The following UBAP2 variants were observed in gnomAD, a reference collection of about 807,000 sequenced individuals.
UBAP2 encodes the protein ubiquitin associated protein 2.
A neutral mutation model predicts 139.6 loss-of-function variants in UBAP2; 75 were observed. The observed-to-expected ratio is 0.54, with a 90% CI of 0.45 to 0.65. UBAP2 has a LOEUF of 0.65. Among genes scored for constraint, UBAP2 ranks in the 30% least tolerant of loss-of-function variants. The pLI, the probability that UBAP2 is intolerant of heterozygous loss-of-function variation, is 0.00. For missense variants in UBAP2, 1,368 were observed against 1,369.6 expected (o/e 1.00, Z 0.02); for synonymous variants, 526 against 526.2 (o/e 1.00, Z 0.01).
chr9:33,923,455 T>A lies in UBAP2; in HGVS notation c.2820A>T (p.Gln940His), dbSNP rs766400127. 1.2e-6 allele frequency: 2 copies of A among 1,614,016 alleles called. No homozygotes were observed. Among genetic ancestry groups the A allele is most frequent in the African/African-American group, 2.7e-5 (2 of 74,926 alleles). Residue 940 changes from glutamine to histidine, a missense_variant, in exon 25 of 29, where the codon CAA becomes CAT. Coordinates refer to ENST00000379238, the MANE Select transcript of UBAP2 (RefSeq NM_001370062.2). ...TGGGAGTGCTGAGGTTCACCCCATG[T>A]TGCTTGGCTGAGGCTGGAGGGACCT... ...TMFVPPASAKQHGVNLSTPTP... is the reference protein window; with the variant it reads ...TMFVPPASAKHHGVNLSTPTP...
intron 2 of UBAP2, among the ~76,000 whole-genome samples, chr9:34,014,692 G>A (rs1320789878): frequency 4.0e-5 from 6 of 151,776 alleles, no homozygotes; most frequent in African/African-American, 1.4e-4. Flanking sequence ...CTACTTGGAA[G>A]GCTGAGGCAA....
In UBAP2 at chr9:33,943,609, G is replaced by T; in HGVS notation, c.1546-20C>A. 1 of 1,613,394 alleles carries T rather than the reference G, an allele frequency of 6.2e-7. No homozygotes were observed. Among genetic ancestry groups the T allele is most frequent in the Non-Finnish European group, 8.5e-7 (1 of 1,179,680 alleles). On this transcript the variant is annotated intron_variant, in intron 14 of 28. Transcript: ENST00000379238. ...TGGGATCTGAAAAAGCAAAGCTGTC[G>T]TGTCAGGAACAGAGGTCACAGATTC...
intron 1 of UBAP2, among the ~76,000 whole-genome samples, chr9:34,031,326 TCTACTGAA>T (rs999954511): frequency 7.3e-5 from 11 of 151,110 alleles, no homozygotes; most frequent in African/African-American, 2.7e-4. Flanking sequence ...AAACCCCGTC[TCTACTGAA>T]AATACAAATT....
rs999423739 is a variant in UBAP2, at chr9:34,008,474, T to C, written c.99+8576A>G. ...AAACTCTGTCATCAGCTGGGTGCAG[T>C]AGCTCAGGCCTGTAATCTCAGCACT... is the stretch of plus-strand genomic sequence containing the variant. On this transcript the variant is annotated intron_variant, in intron 2 of 28. Transcript: ENST00000379238. 3.3e-5 allele frequency among the ~76,000 whole-genome samples: 5 copies of C among 152,044 alleles called. No individual in the cohort carries two copies. The South Asian group carries it at 6.2e-4, about 19-fold the overall frequency.
chr9:33,933,400 G>T (rs760761826), intron 18 of UBAP2, 90 bp downstream of exon 18: 14 of 1,424,464 alleles, frequency 9.8e-6, no homozygotes, highest in Non-Finnish European at 1.3e-5. Flanking sequence ...GAGACAACAA[G>T]TGTGCTCTGT....
chr9:33,994,016 G>A (rs997079021), intron 4 of UBAP2, among the ~76,000 whole-genome samples: 12 of 151,032 alleles, frequency 7.9e-5, no homozygotes, highest in South Asian at 2.1e-4. Flanking sequence ...TGCCTCAGCC[G>A]CCTGAGTAGC....
chr9:33,978,896 A>G (rs147719472), intron 6 of UBAP2, among the ~76,000 whole-genome samples: 1,963 of 152,252 alleles, frequency 0.013, 21 homozygotes, highest in South Asian at 0.052. Context: ...CCTTTTTTGC[A>G]TTATTTTTCT....
At chr9:34,023,672 A>G (rs764871886) in intron 1 of UBAP2, among the ~76,000 whole-genome samples, 25 of 152,224 alleles carry the variant, frequency 1.6e-4, no homozygotes, top group Non-Finnish European at 3.7e-4. Context: ...TTGTTTGGAA[A>G]AAGTTTTTCT....
At chr9:33,989,403 G>A (rs1338705171) in intron 4 of UBAP2, among the ~76,000 whole-genome samples, 6 of 151,978 alleles carry the variant, frequency 3.9e-5, no homozygotes, top group African/African-American at 7.3e-5. Context: ...GGGTTTCATC[G>A]TGTTAGCCAT....
At chr9:33,949,841 A>G (rs10971815) in intron 12 of UBAP2, among the ~76,000 whole-genome samples, 20,010 of 152,220 alleles carry the variant, frequency 0.13, 1,575 homozygotes, top group South Asian at 0.33. Flanking sequence ...TACCATAGAC[A>G]CTGCTATTTT....
At position 33,981,064 on chromosome 9, in the gene UBAP2, CATAT is replaced by C. The variant is rs552165278; in HGVS notation, c.520+5692_520+5695del. Among the ~76,000 whole-genome samples, 9 of 5,276 alleles carry C rather than the reference CATAT, an allele frequency of 1.7e-3. 1 individual carries two copies. Among genetic ancestry groups the C allele is most frequent in the African/African-American group, 2.3e-3 (4 of 1,752 alleles). The allele number at this position is 5,276 out of a possible 152,430, so 3.5% of individuals were successfully genotyped here. The stretch of plus-strand genomic sequence containing the variant: ...AAAAATAATATGGGCTTATTTACTT[CATAT>C]ATATATATATATATATATATATATA... On this transcript the variant is annotated intron_variant, in intron 6 of 28. Coordinates refer to ENST00000379238, the MANE Select transcript of UBAP2 (RefSeq NM_001370062.2).
intron 2 of UBAP2, among the ~76,000 whole-genome samples, chr9:34,006,593 C>G (rs1823241310): frequency 6.6e-6 from 1 of 151,922 alleles, no homozygotes; most frequent in African/African-American, 2.4e-5. Context: ...GGAGGATTAT[C>G]TGAGTCCAGG....
intron 1 of UBAP2, among the ~76,000 whole-genome samples, chr9:34,037,972 G>A (rs1419128364): frequency 2.2e-5 from 3 of 136,062 alleles, no homozygotes; most frequent in Admixed American, 1.6e-4. Context: ...ACCAGCCTGT[G>A]CAATATGATG....
At position 34,022,372 on chromosome 9, in the gene UBAP2, T is replaced by C. The variant is rs554612564; in HGVS notation, c.-41-5183A>G. Among the ~76,000 whole-genome samples the C allele has an allele frequency of 4.6e-5, 7 of 151,192 alleles. No individual in the cohort carries two copies. The East Asian group carries it at 1.4e-3, about 29-fold the overall frequency. ...TGTAAGTCCCAGCTATTCAGGAGGC[T>C]GAGGCAGGAAGATCACTTAACCCAC... On this transcript the variant is annotated intron_variant, in intron 1 of 28. Coordinates refer to ENST00000379238, the MANE Select transcript of UBAP2 (RefSeq NM_001370062.2).
intron 9 of UBAP2, among the ~76,000 whole-genome samples, chr9:33,962,450 A>T (rs1827120479): frequency 6.6e-6 from 1 of 151,996 alleles, no homozygotes; most frequent in Admixed American, 6.6e-5. Context: ...GTTCAAGACC[A>T]GCCTGGTCAA....
intron 9 of UBAP2, among the ~76,000 whole-genome samples, chr9:33,962,115 TACAC>T (rs1695672457): frequency 6.6e-6 from 1 of 152,004 alleles, no homozygotes; most frequent in Non-Finnish European, 1.5e-5. Flanking sequence ...AAGATAAACA[TACAC>T]ACACAGGGAT....
At chr9:34,023,530 A>C (rs757592101) in intron 1 of UBAP2, among the ~76,000 whole-genome samples, 4 of 152,238 alleles carry the variant, frequency 2.6e-5, no homozygotes, top group Non-Finnish European at 4.4e-5. Context: ...CATTAAGACT[A>C]TATCTCCTTC....
intron 1 of UBAP2, among the ~76,000 whole-genome samples, chr9:34,018,801 T>C (rs1013215709): frequency 6.6e-6 from 1 of 152,094 alleles, no homozygotes. Flanking sequence ...AGGTGGAGCT[T>C]GCAGTGAGCT....
intron 5 of UBAP2, among the ~76,000 whole-genome samples, chr9:33,987,041 A>G (rs942538779): frequency 1.3e-5 from 2 of 152,164 alleles, no homozygotes; most frequent in Non-Finnish European, 2.9e-5. Flanking sequence ...TAATTCCAGC[A>G]CTTGTAATTT....
Sources: gnomAD v4.1 joint callset for allele counts (sites outside exome capture counted in the v4.1 genomes callset) on GRCh38, gnomAD v4.1.1 for gene constraint, MANE v1.5 for transcripts, NCBI Gene and HGNC (gene_info 2026-07-23, HGNC 2026-07-21) for gene names.